GPHN: variants seen among roughly 807,000 people sequenced by gnomAD.
GPHN encodes gephyrin.
GPHN carries 17 observed loss-of-function variants against 95.5 expected under a neutral mutation model. The observed-to-expected ratio is 0.18, with a 90% CI of 0.12 to 0.27. The LOEUF (loss-of-function observed/expected upper bound fraction) is 0.27. Among genes scored for constraint, GPHN ranks in the 10% least tolerant of loss-of-function variants. GPHN has a pLI of 1.00. For synonymous variants in GPHN, 320 were observed against 322.5 expected (o/e 0.99, Z 0.08); for missense variants, 660 against 978.1 (o/e 0.67, Z 4.34).
intron 18 of GPHN, among the ~76,000 whole-genome samples, chr14:67,154,751 C>T (rs1195538833): frequency 1.3e-5 from 2 of 151,794 alleles, no homozygotes; most frequent in African/African-American, 4.8e-5. Context: ...GCTATAGGAG[C>T]ATATAAGAAA....
chr14:67,044,788 TCTTTCTCTCTGTC>T (rs1187512222), intron 10 of GPHN, among the ~76,000 whole-genome samples: 6 of 151,708 alleles, frequency 4.0e-5, no homozygotes, highest in African/African-American at 1.5e-4. Flanking sequence ...TCTCTCTCTG[TCTTTCTCTCTGTC>T]TCTCTCTGTC....
At chr14:66,763,037 G>A (rs1339694995) in intron 2 of GPHN, among the ~76,000 whole-genome samples, 3 of 151,816 alleles carry the variant, frequency 2.0e-5, no homozygotes, top group Admixed American at 6.6e-5. Flanking sequence ...TTGGCTAAAG[G>A]CAAATAGTAA....
intron 1 of GPHN, among the ~76,000 whole-genome samples, chr14:66,576,923 T>C (rs1000221893): frequency 6.6e-6 from 1 of 152,226 alleles, no homozygotes; most frequent in African/African-American, 2.4e-5. Context: ...CCTATTCTGA[T>C]ATTTAAGGGT....
chr14:66,558,504 A>G (rs17182710), intron 1 of GPHN, among the ~76,000 whole-genome samples: 79,270 of 151,988 alleles, frequency 0.52, 24,221 homozygotes, highest in African/African-American at 0.85. Context: ...ATATTCATCA[A>G]ACCCCTGTAT....
At chr14:67,277,042 T>C in the GPHN span, among the ~76,000 whole-genome samples, 1 of 152,200 alleles carries the variant, frequency 6.6e-6, no homozygotes, top group African/African-American at 2.4e-5. Flanking sequence ...AATCCACTCC[T>C]GGATTTTTAA....
At chr14:67,000,069 G>A (rs2072110268) in intron 9 of GPHN, among the ~76,000 whole-genome samples, 1 of 151,724 alleles carries the variant, frequency 6.6e-6, no homozygotes, top group Admixed American at 6.6e-5. Context: ...TGAAAATTGT[G>A]TTTTTATTTA....
intron 4 of GPHN, among the ~76,000 whole-genome samples, chr14:66,868,072 A>T (rs970194229): frequency 6.6e-6 from 1 of 152,214 alleles, no homozygotes. Context: ...TTTGAGAAAC[A>T]CTGCTCTAAC....
intron 1 of GPHN, among the ~76,000 whole-genome samples, chr14:66,627,724 A>T (rs997316040): frequency 6.6e-6 from 1 of 152,096 alleles, no homozygotes; most frequent in Non-Finnish European, 1.5e-5. Flanking sequence ...AGTACTGATA[A>T]TCTGATGTAC....
chr14:66,907,552 AGGCTTAATATATGCAAAT>A (rs534712041), intron 5 of GPHN, among the ~76,000 whole-genome samples: 1,826 of 152,290 alleles, frequency 0.012, 18 homozygotes, highest in Non-Finnish European at 0.018. Flanking sequence ...ATCACAAGGA[AGGCTTAATATATGCAAAT>A]TGCATTTGAT....
intron 2 of GPHN, among the ~76,000 whole-genome samples, chr14:66,736,865 C>T (rs540052382): frequency 2.0e-5 from 3 of 152,186 alleles, no homozygotes; most frequent in African/African-American, 7.2e-5. Context: ...CTCTTAACCT[C>T]TGTTTCTTAT....
chr14:67,360,406 T>C, the GPHN span: 1 of 394,880 alleles, frequency 2.5e-6, no homozygotes, highest in Non-Finnish European at 4.5e-6. Context: ...GTCTCTGTGA[T>C]TGAAGAAGTC....
the GPHN span, chr14:67,380,799 T>G: frequency 1.7e-6 from 2 of 1,196,768 alleles, no homozygotes; most frequent in Non-Finnish European, 2.3e-6. Context: ...TTACAGTATT[T>G]TGCATGCATC....
chr14:66,525,233 T>G (rs1464654495), intron 1 of GPHN, among the ~76,000 whole-genome samples: 1 of 152,238 alleles, frequency 6.6e-6, no homozygotes, highest in Non-Finnish European at 1.5e-5. Flanking sequence ...GATTTGCATT[T>G]CTGTAATGAC....
At chr14:66,821,958 G>A (rs1042835053) in intron 3 of GPHN, among the ~76,000 whole-genome samples, 1 of 152,102 alleles carries the variant, frequency 6.6e-6, no homozygotes, top group Admixed American at 6.6e-5. Context: ...ATTTTTGTTT[G>A]TTTGTTTGTT....
intron 9 of GPHN, among the ~76,000 whole-genome samples, chr14:66,986,183 A>G (rs946272469): frequency 1.9e-4 from 25 of 129,310 alleles, no homozygotes; most frequent in African/African-American, 8.6e-4. Flanking sequence ...AGTTCATTTC[A>G]GAGAAAAGTT....
At chr14:67,646,984 CCAGAAGG>C in the GPHN span, 1 of 1,613,024 alleles carries the variant, frequency 6.2e-7, no homozygotes, top group South Asian at 1.1e-5. Context: ...GACTTGGTAT[CCAGAAGG>C]TCATGGAACG....
At chr14:66,788,177 C>T (rs1306657847) in intron 3 of GPHN, among the ~76,000 whole-genome samples, 5 of 152,242 alleles carry the variant, frequency 3.3e-5, no homozygotes, top group African/African-American at 7.2e-5. Context: ...GACATGGTGG[C>T]GGGCACCTGT....
intron 4 of GPHN, among the ~76,000 whole-genome samples, chr14:66,836,489 C>T (rs2061821614): frequency 7.0e-6 from 1 of 142,520 alleles, no homozygotes; most frequent in East Asian, 2.1e-4. Context: ...CCATAAAAAC[C>T]CTAGAAGAAA....
At chr14:67,341,841 G>C in the GPHN span, among the ~76,000 whole-genome samples, 1 of 152,214 alleles carries the variant, frequency 6.6e-6, no homozygotes, top group Non-Finnish European at 1.5e-5. Context: ...TCTGTACTAA[G>C]AAAAATTCTT....
Sources: gnomAD v4.1 joint callset for allele counts (sites outside exome capture counted in the v4.1 genomes callset) on GRCh38, gnomAD v4.1.1 for gene constraint, MANE v1.5 for transcripts, NCBI Gene and HGNC (gene_info 2026-07-23, HGNC 2026-07-21) for gene names.